PARD3B: variants seen among roughly 807,000 people sequenced by gnomAD.
The protein encoded by PARD3B is par-3 family cell polarity regulator beta, also known as partitioning defective 3 homolog B.
PARD3B carries 103 observed loss-of-function variants against 130.2 expected under a neutral mutation model. The observed-to-expected ratio is 0.79, with a 90% CI of 0.67 to 0.93. The LOEUF is 0.93. PARD3B is among the 40% of genes least tolerant of loss of function. The probability of loss-of-function intolerance (pLI) is 0.00; values close to 1 mark genes in which losing one functional copy is unlikely to be tolerated. For synonymous variants in PARD3B, 583 were observed against 553.2 expected (o/e 1.05, Z -0.76); for missense variants, 1,609 against 1,499.2 (o/e 1.07, Z -1.21).
At chr2:205,441,497 C>T (rs903485909) in intron 20 of PARD3B, among the ~76,000 whole-genome samples, 4 of 152,156 alleles carry the variant, frequency 2.6e-5, no homozygotes, top group South Asian at 2.1e-4. Context: ...ACTAGCTTGA[C>T]GTCTGGAGGG....
At chr2:204,578,976 G>C (rs534320916) in intron 1 of PARD3B, among the ~76,000 whole-genome samples, 1 of 152,166 alleles carries the variant, frequency 6.6e-6, no homozygotes, top group African/African-American at 2.4e-5. Context: ...GGGGAACCAG[G>C]AGAGGGAGAG....
chr2:205,483,776 T>C (rs2049331719), intron 20 of PARD3B, among the ~76,000 whole-genome samples: 1 of 152,086 alleles, frequency 6.6e-6, no homozygotes, highest in Admixed American at 6.6e-5. Context: ...AGAAATAACA[T>C]AGTGATTCAA....
At chr2:204,693,434 T>C (rs182270207) in intron 2 of PARD3B, among the ~76,000 whole-genome samples, 4 of 152,158 alleles carry the variant, frequency 2.6e-5, no homozygotes, top group African/African-American at 9.6e-5. Flanking sequence ...TCTAGTTTTG[T>C]CCAAGTTGCT....
chr2:205,127,076 G>A (rs984609345), intron 10 of PARD3B, among the ~76,000 whole-genome samples: 8 of 151,870 alleles, frequency 5.3e-5, no homozygotes, highest in African/African-American at 9.7e-5. Context: ...GAGGCAGGTG[G>A]ATCACCTGAG....
intron 22 of PARD3B, among the ~76,000 whole-genome samples, chr2:205,608,563 T>C (rs1258543118): frequency 6.6e-6 from 1 of 152,160 alleles, no homozygotes. Context: ...TCCCTCTCTA[T>C]GTTGTTCTCA....
chr2:205,286,988 T>G (rs907432031), intron 16 of PARD3B, among the ~76,000 whole-genome samples: 16 of 152,202 alleles, frequency 1.1e-4, no homozygotes, highest in African/African-American at 3.9e-4. Flanking sequence ...GGGGTCAAGG[T>G]GAGCAAACCA....
At chr2:205,314,554 C>A (rs532328072) in intron 18 of PARD3B, among the ~76,000 whole-genome samples, 2 of 152,308 alleles carry the variant, frequency 1.3e-5, no homozygotes, top group African/African-American at 4.8e-5. Flanking sequence ...GAAATAATAA[C>A]TGTAACTGTT....
intron 18 of PARD3B, among the ~76,000 whole-genome samples, chr2:205,316,817 G>A (rs1367466198): frequency 6.6e-6 from 1 of 152,036 alleles, no homozygotes; most frequent in Non-Finnish European, 1.5e-5. Context: ...GATCTTTTCT[G>A]AAATAAGTTA....
Position 204,752,928 on chromosome 2 carries a change from A to G in PARD3B, c.222+66646A>G, listed in dbSNP as rs1040625669. On this transcript the variant is annotated intron_variant, in intron 2 of 22. Coordinates refer to ENST00000406610, the MANE Select transcript of PARD3B (RefSeq NM_001302769.2). ...CTATACAGGTTAATTTTCCATGACT[A>G]TTACAATTTGTGACACTGGTTTAAA... Among the ~76,000 whole-genome samples, 3 of 151,992 alleles carry G rather than the reference A, an allele frequency of 2.0e-5. No homozygotes were observed. In the East Asian group the frequency reaches 5.8e-4, roughly 29 times the overall value.
At chr2:205,586,063 A>G (rs1298786771) in intron 22 of PARD3B, among the ~76,000 whole-genome samples, 1 of 152,212 alleles carries the variant, frequency 6.6e-6, no homozygotes, top group African/African-American at 2.4e-5. Flanking sequence ...TGGCTTTCAT[A>G]GTGTGTATTT....
intron 18 of PARD3B, among the ~76,000 whole-genome samples, chr2:205,357,961 A>T (rs1020941283): frequency 6.6e-6 from 1 of 152,218 alleles, no homozygotes. Flanking sequence ...CGCCTGGCTG[A>T]ACCACAGAAT....
chr2:205,371,204 T>C (rs895793714), intron 18 of PARD3B, among the ~76,000 whole-genome samples: 3 of 152,240 alleles, frequency 2.0e-5, no homozygotes, highest in African/African-American at 7.2e-5. Context: ...GAATATTCAC[T>C]TTTAATGTCT....
At chr2:205,167,727 A>G (rs1291426108) in intron 11 of PARD3B, among the ~76,000 whole-genome samples, 2 of 152,246 alleles carry the variant, frequency 1.3e-5, no homozygotes, top group African/African-American at 4.8e-5. Flanking sequence ...GCAACGTAGC[A>G]TAAAGGATTC....
rs1278966953 is a variant in PARD3B at position 205,287,236 on chromosome 2, A to G, written c.2186-13294A>G. Among the ~76,000 whole-genome samples, 3 of 152,222 alleles carry G rather than the reference A, an allele frequency of 2.0e-5. No homozygotes were observed. Among genetic ancestry groups the G allele is most frequent in the Admixed American group, 6.5e-5 (1 of 15,286 alleles). On this transcript the variant is annotated intron_variant, in intron 16 of 22. Coordinates refer to ENST00000406610, the MANE Select transcript of PARD3B (RefSeq NM_001302769.2). This position sits in a 1 kb window ranked among gnomAD's most constrained non-coding sequence, Gnocchi z 4.8. ...TGGATGAGAGATTGGAGAATAGAAT[A>G]TGAAGTCAAGACTGTGAGTTACAAT...
intron 2 of PARD3B, among the ~76,000 whole-genome samples, chr2:204,827,979 G>T (rs552070200): frequency 6.6e-6 from 1 of 152,132 alleles, no homozygotes; most frequent in Admixed American, 6.5e-5. Context: ...TCTGGGAGGT[G>T]GGCGGTTGTA....
intron 20 of PARD3B, among the ~76,000 whole-genome samples, chr2:205,456,454 A>G (rs754802017): frequency 4.6e-5 from 7 of 152,040 alleles, no homozygotes; most frequent in Non-Finnish European, 1.0e-4. Flanking sequence ...AGTGGTAAAA[A>G]TGAACTTTCT....
chr2:204,601,903 G>T (rs2033530531), intron 1 of PARD3B, among the ~76,000 whole-genome samples: 1 of 151,996 alleles, frequency 6.6e-6, no homozygotes, highest in Non-Finnish European at 1.5e-5. Flanking sequence ...CAATGAAGTT[G>T]ATATAAGCTG....
chr2:204,947,074 A>G (rs1255865949), intron 2 of PARD3B, among the ~76,000 whole-genome samples: 1 of 151,978 alleles, frequency 6.6e-6, no homozygotes, highest in Non-Finnish European at 1.5e-5. Context: ...TGTTAATCTC[A>G]TCCAGAAACA....
chr2:204,572,381 G>T (rs558945856), intron 1 of PARD3B, among the ~76,000 whole-genome samples: 9 of 152,216 alleles, frequency 5.9e-5, no homozygotes, highest in Non-Finnish European at 7.4e-5. Context: ...GCAGAAAAGT[G>T]GGGGAGGAAA....
Sources: gnomAD v4.1 joint callset for allele counts (sites outside exome capture counted in the v4.1 genomes callset) on GRCh38, gnomAD v4.1.1 for gene constraint, Gnocchi (gnomAD v3.1) non-coding constraint, MANE v1.5 for transcripts, NCBI Gene and HGNC (gene_info 2026-07-23, HGNC 2026-07-21) for gene names.